ACCSL: variants seen among roughly 807,000 people sequenced by gnomAD.
ACCSL encodes the protein 1-aminocyclopropane-1-carboxylate synthase homolog (inactive) like, also known as probable inactive 1-aminocyclopropane-1-carboxylate synthase-like protein 2.
In ACCSL, 55 loss-of-function variants were observed where a neutral mutation model predicts 61.7. That is an observed-to-expected ratio of 0.89 (90% CI 0.72 to 1.12). The LOEUF is 1.12. ACCSL is among the 50% of genes most tolerant of loss of function. The probability of loss-of-function intolerance (pLI) is 0.00; values close to 1 mark genes in which losing one functional copy is unlikely to be tolerated. For synonymous variants in ACCSL, 258 were observed against 264.3 expected (o/e 0.98, Z 0.23); for missense variants, 632 against 698.0 (o/e 0.91, Z 1.07).
At chr11:44,006,744 A>G in the ACCSL span, among the ~76,000 whole-genome samples, 29 of 152,150 alleles carry the variant, frequency 1.9e-4, no homozygotes, top group South Asian at 5.6e-3. Flanking sequence ...ACCTCAAGTG[A>G]TCTGCCTGCC....
chr11:43,954,584 CTTTCT>C, the ACCSL span, among the ~76,000 whole-genome samples: 10 of 125,226 alleles, frequency 8.0e-5, no homozygotes, highest in Middle Eastern at 0.01. Flanking sequence ...TCTTTTCTTT[CTTTCT>C]TTTTTTTTTT....
At chr11:43,942,083 C>T in the ACCSL span, among the ~76,000 whole-genome samples, 1 of 151,336 alleles carries the variant, frequency 6.6e-6, no homozygotes, top group South Asian at 2.1e-4. Flanking sequence ...TGTGCGCGCG[C>T]GCGCCTGCGG....
chr11:44,038,083 A>G, the ACCSL span, among the ~76,000 whole-genome samples: 2 of 152,328 alleles, frequency 1.3e-5, no homozygotes, highest in African/African-American at 4.8e-5. Context: ...ATAAATGAGT[A>G]CATTATATAG....
the ACCSL span, among the ~76,000 whole-genome samples, chr11:44,008,659 T>G: frequency 6.6e-6 from 1 of 152,254 alleles, no homozygotes; most frequent in East Asian, 1.9e-4. Flanking sequence ...TTTGCCTCTT[T>G]GGGCCTCAGG....
intron 1 of ACCSL, among the ~76,000 whole-genome samples, chr11:44,049,420 A>G (rs1461935759): frequency 2.4e-5 from 1 of 42,172 alleles, no homozygotes; most frequent in Non-Finnish European, 4.8e-5. Flanking sequence ...ACCCTGTCTC[A>G]AAAAAAAAAA....
the ACCSL span, among the ~76,000 whole-genome samples, chr11:44,041,266 G>A: frequency 1.3e-5 from 2 of 152,150 alleles, no homozygotes; most frequent in African/African-American, 4.8e-5. Context: ...GAAAGTTGGG[G>A]ATAATTCTTA....
At chr11:44,019,339 T>A in the ACCSL span, among the ~76,000 whole-genome samples, 7 of 152,364 alleles carry the variant, frequency 4.6e-5, no homozygotes, top group Non-Finnish European at 8.8e-5. Context: ...TGTTTAACTT[T>A]TTAGAAGAAC....
chr11:43,941,385 A>G, the ACCSL span, among the ~76,000 whole-genome samples: 2 of 152,236 alleles, frequency 1.3e-5, no homozygotes, highest in African/African-American at 4.8e-5. Context: ...TTTCCTGAGC[A>G]GGAAAGTAAC....
chr11:44,003,096 A>G, the ACCSL span, among the ~76,000 whole-genome samples: 1 of 152,212 alleles, frequency 6.6e-6, no homozygotes, highest in Non-Finnish European at 1.5e-5. Flanking sequence ...CAAATGTAAA[A>G]TGTTATTATA....
chr11:43,947,739 AAGAGAGAG>A, the ACCSL span, among the ~76,000 whole-genome samples: 8 of 102,144 alleles, frequency 7.8e-5, no homozygotes, highest in South Asian at 6.0e-4. Context: ...GAGACAGTGA[AAGAGAGAG>A]AGAGAGAGAG....
intron 3 of ACCSL, among the ~76,000 whole-genome samples, chr11:44,051,008 A>T (rs945146035): frequency 2.8e-4 from 42 of 151,750 alleles, no homozygotes; most frequent in African/African-American, 1.0e-3. Context: ...CGCCCAGCTA[A>T]TTTTTTGTAT....
At chr11:43,947,861 C>T in the ACCSL span, among the ~76,000 whole-genome samples, 1 of 152,124 alleles carries the variant, frequency 6.6e-6, no homozygotes, top group African/African-American at 2.4e-5. Flanking sequence ...AAGACAGGAG[C>T]CCGGGCATCT....
At chr11:43,983,581 C>T in the ACCSL span, among the ~76,000 whole-genome samples, 1 of 152,148 alleles carries the variant, frequency 6.6e-6, no homozygotes, top group African/African-American at 2.4e-5. Flanking sequence ...ACGCACTGAA[C>T]AGATCGAGGT....
chr11:44,035,936 TAAAAAAAAAAAA>T, the ACCSL span, among the ~76,000 whole-genome samples: 15 of 79,054 alleles, frequency 1.9e-4, no homozygotes, highest in Non-Finnish European at 2.9e-4. Flanking sequence ...AGACTCTGTG[TAAAAAAAAAAAA>T]AAAAAAAAAA....
rs1353075003 is a variant in ACCSL at position 44,048,126 on chromosome 11, G to A, written c.90G>A (p.Leu30=). The A allele has an allele frequency of 6.2e-7, 1 of 1,614,182 alleles. No individual in the cohort carries two copies. Among genetic ancestry groups the A allele is most frequent in the Non-Finnish European group, 8.5e-7 (1 of 1,180,034 alleles). ...ACCACAGCATCTATACCCAGCTGTT[G>A]GAGATAACGCTGCACTTGCAGCAGG... The part of the protein sequence containing the change: ...PRDHSIYTQL[L]EITLHLQQAM... Residue 30 remains leucine (L), a synonymous_variant, in exon 1 of 14, where the codon TTG becomes TTA. Coordinates refer to ENST00000378832, the MANE Select transcript of ACCSL (RefSeq NM_001031854.2).
the ACCSL span, among the ~76,000 whole-genome samples, chr11:43,994,471 T>G: frequency 4.6e-5 from 7 of 152,208 alleles, no homozygotes; most frequent in Non-Finnish European, 8.8e-5. Context: ...TAAATTATTT[T>G]TCCTTTATTT....
At chr11:44,013,410 G>T in the ACCSL span, among the ~76,000 whole-genome samples, 1 of 152,036 alleles carries the variant, frequency 6.6e-6, no homozygotes, top group South Asian at 2.1e-4. Flanking sequence ...CTCCCAAGTA[G>T]CCTGGATTAC....
the ACCSL span, among the ~76,000 whole-genome samples, chr11:43,983,086 G>T: frequency 2.6e-5 from 4 of 152,188 alleles, no homozygotes; most frequent in Non-Finnish European, 5.9e-5. Flanking sequence ...AAGTCCCTCA[G>T]CCTTGAGGGG....
At chr11:43,942,828 G>T in the ACCSL span, 1 of 1,073,702 alleles carries the variant, frequency 9.3e-7, no homozygotes, top group Non-Finnish European at 1.1e-6. Context: ...GCTGCCTCCC[G>T]GGGGGCCCCG....
Sources: allele counts gnomAD v4.1 joint callset (sites outside exome capture counted in the v4.1 genomes callset), GRCh38; gene constraint gnomAD v4.1.1; transcripts MANE v1.5; gene names NCBI Gene and HGNC (gene_info 2026-07-23, HGNC 2026-07-21).